SYT16: variants seen among roughly 807,000 people sequenced by gnomAD.
SYT16 encodes synaptotagmin-16.
SYT16 carries 42 observed loss-of-function variants against 61.4 expected under a neutral mutation model. The observed-to-expected ratio is 0.68, with a 90% CI of 0.53 to 0.89. The LOEUF (loss-of-function observed/expected upper bound fraction) is 0.89. Ranked by LOEUF, SYT16 falls within the 40% of genes least tolerant of loss-of-function variation. The pLI, the probability that SYT16 is intolerant of heterozygous loss-of-function variation, is 0.00. For synonymous variants in SYT16, 314 were observed against 302.3 expected (o/e 1.04, Z -0.40); for missense variants, 804 against 807.3 (o/e 1.00, Z 0.05).
intron 3 of SYT16, among the ~76,000 whole-genome samples, chr14:62,059,769 T>TCACACAC (rs1188780687): frequency 1.8e-5 from 2 of 110,204 alleles, no homozygotes; most frequent in Non-Finnish European, 3.4e-5. Context: ...TGTGTATATG[T>TCACACAC]ATACACATAC....
intron 1 of SYT16, among the ~76,000 whole-genome samples, chr14:61,890,902 A>G (rs569364998): frequency 6.6e-6 from 1 of 152,282 alleles, no homozygotes; most frequent in African/African-American, 2.4e-5. Context: ...CCCAGATGTC[A>G]TACATATTAT....
intron 3 of SYT16, among the ~76,000 whole-genome samples, chr14:62,055,776 A>T (rs551792124): frequency 6.6e-6 from 1 of 152,222 alleles, no homozygotes; most frequent in African/African-American, 2.4e-5. Flanking sequence ...GGATGTATAT[A>T]TAAAGGGGAG....
rs115114559 is a variant in SYT16 at position 62,110,277 on chromosome 14, A to G, written c.*9570A>G. 5 of 152,152 alleles carry G rather than the reference A, an allele frequency of 3.3e-5. No individual in the cohort carries two copies. The highest frequency in any genetic ancestry group is 2.1e-4 in the South Asian group (1 of 4,836). The allele number at this position is 152,152 out of a possible 1,614,324, so 9.4% of individuals were successfully genotyped here. ...TTTTCAAGCCTTCATTGTTGCATCT[A>G]TCAGATGGGAATAGTAATACTCATT... On this transcript the variant is annotated 3_prime_UTR_variant, in exon 8 of 8. Coordinates refer to ENST00000683842, the MANE Select transcript of SYT16 (RefSeq NM_001367656.1).
intron 1 of SYT16, among the ~76,000 whole-genome samples, chr14:61,891,734 A>G (rs2048138162): frequency 6.6e-6 from 1 of 152,216 alleles, no homozygotes; most frequent in South Asian, 2.1e-4. Context: ...ACCTTAGGCT[A>G]GGATCCTACT....
intron 3 of SYT16, among the ~76,000 whole-genome samples, chr14:62,009,095 TTC>T (rs2053341560): frequency 6.6e-6 from 1 of 152,168 alleles, no homozygotes; most frequent in Admixed American, 6.6e-5. Flanking sequence ...TATTGGCTTC[TTC>T]TCTCTGTCAC....
At chr14:61,877,459 C>T (rs2140313150) in intron 1 of SYT16, among the ~76,000 whole-genome samples, 1 of 152,188 alleles carries the variant, frequency 6.6e-6, no homozygotes, top group South Asian at 2.1e-4. Context: ...GAGATCTTTC[C>T]AAAAAACACA....
intron 2 of SYT16, among the ~76,000 whole-genome samples, chr14:61,988,698 G>A (rs1381011679): frequency 6.6e-6 from 1 of 152,104 alleles, no homozygotes; most frequent in East Asian, 1.9e-4. Flanking sequence ...ATTTTCAAAA[G>A]TAACTGTGAC....
At chr14:62,094,802 G>C (rs755904337) in intron 7 of SYT16, among the ~76,000 whole-genome samples, 1 of 152,016 alleles carries the variant, frequency 6.6e-6, no homozygotes. Context: ...AGGCATTACA[G>C]GAGAGATGTC....
chr14:62,080,620 TCACGAAGGCGCAC>T (rs1265555731), intron 5 of SYT16, among the ~76,000 whole-genome samples: 1 of 152,148 alleles, frequency 6.6e-6, no homozygotes, highest in Admixed American at 6.5e-5. Flanking sequence ...CCAAAAACAT[TCACGAAGGCGCAC>T]CATATGCTAG....
rs1387582608 is a variant in SYT16 at position 62,109,647 on chromosome 14, G to C, written c.*8940G>C. On this transcript the variant is annotated 3_prime_UTR_variant, in exon 8 of 8. Transcript: ENST00000683842. Reference sequence around the variant, plus strand: ...TATCTATGAGTTTTTCCCTCCATTGGAATCTAAACAGAAAGTTCTGAAGGT... The same window carrying C: ...TATCTATGAGTTTTTCCCTCCATTGCAATCTAAACAGAAAGTTCTGAAGGT... 1.3e-5 allele frequency: 2 copies of C among 151,944 alleles called. No individual in the cohort carries two copies. The highest frequency in any genetic ancestry group is 2.9e-5 in the Non-Finnish European group (2 of 67,968). The allele number at this position is 151,944 out of a possible 1,614,324, so 9.4% of individuals were successfully genotyped here. A position where few individuals can be genotyped will look rare whatever the true frequency, so the allele number is the denominator to read the frequency against.
rs1010335157 is a variant in SYT16, at chr14:62,112,426, C to G, written c.*11719C>G. On this transcript the variant is annotated 3_prime_UTR_variant, in exon 8 of 8. Coordinates refer to ENST00000683842, the MANE Select transcript of SYT16 (RefSeq NM_001367656.1). ...ACAGAAACATAGAAGAAGCATTAGC[C>G]CCAGTTTGTATAAAATGTCTGCTGC... 6.6e-6 allele frequency: 1 copy of G among 151,898 alleles called. No individual in the cohort carries two copies. The highest frequency in any genetic ancestry group is 2.4e-5 in the African/African-American group (1 of 41,356). 9.4% of individuals were successfully genotyped at this position (151,898 alleles called of 1,614,324 possible).
chr14:62,088,626 A>G (rs1413975898), intron 7 of SYT16, among the ~76,000 whole-genome samples: 1 of 152,224 alleles, frequency 6.6e-6, no homozygotes. Flanking sequence ...TTTTACCTTA[A>G]AAAAGTACTG....
intron 1 of SYT16, among the ~76,000 whole-genome samples, chr14:61,963,769 G>A (rs559762139): frequency 2.0e-5 from 3 of 152,184 alleles, no homozygotes; most frequent in Non-Finnish European, 2.9e-5. Flanking sequence ...GTCAATGCCT[G>A]GCTTCAAACT....
intron 1 of SYT16, among the ~76,000 whole-genome samples, chr14:61,838,553 G>A (rs1040194877): frequency 2.6e-5 from 4 of 152,196 alleles, no homozygotes; most frequent in African/African-American, 9.7e-5. Flanking sequence ...GTTTCTGACA[G>A]AACACAATCT....
chr14:61,918,776 G>A (rs1313905427), intron 1 of SYT16, among the ~76,000 whole-genome samples: 2 of 152,022 alleles, frequency 1.3e-5, no homozygotes, highest in Non-Finnish European at 2.9e-5. Flanking sequence ...TCTTGTTTGT[G>A]TTCTGATTTT....
intron 3 of SYT16, among the ~76,000 whole-genome samples, chr14:62,020,468 C>G (rs934482918): frequency 1.1e-4 from 17 of 152,146 alleles, no homozygotes; most frequent in Non-Finnish European, 1.9e-4. Flanking sequence ...CCTAAAGTTA[C>G]CCATACATTT....
chr14:61,985,651 T>A (rs8011853), intron 2 of SYT16, among the ~76,000 whole-genome samples: 117,808 of 152,048 alleles, frequency 0.77, 46,045 homozygotes, highest in African/African-American at 0.87. Flanking sequence ...GATGATCTCC[T>A]GGAAAAACCT....
At chr14:61,897,653 T>C (rs1439909570) in intron 1 of SYT16, among the ~76,000 whole-genome samples, 1 of 152,128 alleles carries the variant, frequency 6.6e-6, no homozygotes, top group African/African-American at 2.4e-5. Context: ...AGCTCCTGCA[T>C]AGCAAAAGAC....
intron 2 of SYT16, among the ~76,000 whole-genome samples, chr14:61,971,520 A>G (rs1409073305): frequency 6.6e-6 from 1 of 152,184 alleles, no homozygotes; most frequent in Non-Finnish European, 1.5e-5. Context: ...CTGGAGTGAG[A>G]GATCCATGAG....
Sources: allele counts gnomAD v4.1 joint callset (sites outside exome capture counted in the v4.1 genomes callset), GRCh38; gene constraint gnomAD v4.1.1; transcripts MANE v1.5; gene names NCBI Gene and HGNC (gene_info 2026-07-23, HGNC 2026-07-21).